Variants in PACSIN2 observed in about 807,000 individuals in gnomAD.
PACSIN2 encodes the protein protein kinase C and casein kinase substrate in neurons 2.
Under a neutral mutation model 63.8 loss-of-function variants are expected in PACSIN2, and 25 were observed. That is an observed-to-expected ratio of 0.39 (90% CI 0.29 to 0.55). The LOEUF (loss-of-function observed/expected upper bound fraction) is 0.55, where lower values mean the gene tolerates loss of function less well. Ranked by LOEUF, PACSIN2 falls within the 20% of genes least tolerant of loss-of-function variation. The pLI is 0.62. For synonymous variants in PACSIN2, 255 were observed against 256.2 expected (o/e 1.00, Z 0.05); for missense variants, 518 against 646.9 (o/e 0.80, Z 2.16).
chr22:42,983,489 C>CAAAAA (rs775403003), intron 1 of PACSIN2, among the ~76,000 whole-genome samples: 9,281 of 81,554 alleles, frequency 0.11, 1,505 homozygotes, highest in East Asian at 0.37. Context: ...GACTCCATCT[C>CAAAAA]AAAAAAAAAA....
chr22:42,905,167 T>A (rs909701007), intron 2 of PACSIN2, among the ~76,000 whole-genome samples: 16 of 152,222 alleles, frequency 1.1e-4, no homozygotes, highest in African/African-American at 3.6e-4. Flanking sequence ...AACCCCGAAG[T>A]GCTAAATTCC....
chr22:42,877,068 T>C, intron 8 of PACSIN2, 58 bp from the exon 9 acceptor site: 2 of 1,587,938 alleles, frequency 1.3e-6, no homozygotes, highest in South Asian at 1.1e-5. Flanking sequence ...GTGAGGGTCC[T>C]GGCAACTCCT....
chr22:42,927,428 T>C (rs1425887205), intron 1 of PACSIN2, among the ~76,000 whole-genome samples: 2 of 152,060 alleles, frequency 1.3e-5, no homozygotes, highest in Non-Finnish European at 2.9e-5. Context: ...AAAATATTTT[T>C]AGTAGAGACA....
Position 42,888,666 on chromosome 22 carries a change from T to C in PACSIN2, c.586A>G (p.Lys196Glu). ...QLKKLQDKIEKCKQDVLKTKE... is the reference protein window; with the variant it reads ...QLKKLQDKIEECKQDVLKTKE... ...ACCTTAAGAACATCTTGCTTGCACT[T>C]TTCTATTTTGTCTTGCAATTTCTTG... The change falls in exon 5 of 11, where the codon AAG (lysine) becomes GAG (glutamate). Residue 196 changes from lysine (K) to glutamate (E), a missense_variant. By Grantham distance (56) the Lys-to-Glu change is moderately conservative (BLOSUM62 1). This residue lies in a region of PACSIN2 where 507 missense variants were observed against 612.3 expected (regional missense o/e 0.83). Coordinates refer to ENST00000263246, the MANE Select transcript of PACSIN2 (RefSeq NM_001184970.3). The C allele has an allele frequency of 6.2e-7, 1 of 1,614,212 alleles. No homozygotes were observed.
chr22:42,935,124 A>C (rs2146786450), intron 1 of PACSIN2, among the ~76,000 whole-genome samples: 3 of 143,172 alleles, frequency 2.1e-5, no homozygotes, highest in South Asian at 2.2e-4. Context: ...TCGGGGTTTC[A>C]CTGTTTTAGC....
At chr22:43,005,645 A>G (rs538289645) in intron 1 of PACSIN2, among the ~76,000 whole-genome samples, 1 of 152,358 alleles carries the variant, frequency 6.6e-6, no homozygotes, top group Admixed American at 6.5e-5. Context: ...AGAACTGGAT[A>G]AAATCACTTT....
At chr22:42,962,947 C>G (rs181054370) in intron 1 of PACSIN2, among the ~76,000 whole-genome samples, 1 of 152,294 alleles carries the variant, frequency 6.6e-6, no homozygotes, top group African/African-American at 2.4e-5. Context: ...TGGCAGAAGA[C>G]AAGACTGACT....
At chr22:42,950,419 A>AGGAGAGAGGGAGAGAGGGGACCTGGAG (rs374845464) in intron 1 of PACSIN2, among the ~76,000 whole-genome samples, 4 of 146,480 alleles carry the variant, frequency 2.7e-5, no homozygotes, top group South Asian at 2.3e-4. Flanking sequence ...GAGGGAGGGA[A>AGGAGAGAGGGAGAGAGGGGACCTGGAG]GGGAGTGGGC....
intron 4 of PACSIN2, 24 bp downstream of exon 4, chr22:42,890,923 G>A (rs1929858600): frequency 1.3e-6 from 2 of 1,599,200 alleles, no homozygotes; most frequent in Non-Finnish European, 1.7e-6. Flanking sequence ...AGGCCGGGCA[G>A]GGAAGCCTGC....
At chr22:42,956,994 A>G (rs1476580807) in intron 1 of PACSIN2, among the ~76,000 whole-genome samples, 2 of 152,228 alleles carry the variant, frequency 1.3e-5, no homozygotes, top group Non-Finnish European at 1.5e-5. Flanking sequence ...TATATAGTGA[A>G]AATATAATAG....
At chr22:43,011,445 A>G (rs1417894253) in intron 1 of PACSIN2, among the ~76,000 whole-genome samples, 1 of 152,208 alleles carries the variant, frequency 6.6e-6, no homozygotes, top group Non-Finnish European at 1.5e-5. Context: ...CATCTGGTAA[A>G]TGCCACTGCG....
At chr22:42,883,345 A>G (rs1257554391) in intron 6 of PACSIN2, among the ~76,000 whole-genome samples, 1 of 152,230 alleles carries the variant, frequency 6.6e-6, no homozygotes. Context: ...GCAGCGGTGC[A>G]GTAACTGTTG....
chr22:42,890,869 T>C, intron 4 of PACSIN2, 78 bp downstream of exon 4: 1 of 1,158,576 alleles, frequency 8.6e-7, no homozygotes. Context: ...CAGGAAGTCC[T>C]AGGTGCAGGA....
chr22:43,000,834 T>G (rs1190583921), intron 1 of PACSIN2, among the ~76,000 whole-genome samples: 1 of 152,236 alleles, frequency 6.6e-6, no homozygotes, highest in Non-Finnish European at 1.5e-5. Context: ...AGACATACTG[T>G]GTGGCACTGC....
intron 1 of PACSIN2, among the ~76,000 whole-genome samples, chr22:42,917,368 A>G (rs1259033375): frequency 7.2e-5 from 11 of 152,192 alleles, no homozygotes; most frequent in Admixed American, 7.2e-4. Context: ...GCACTTTGAG[A>G]GGACAAGGCA....
chr22:42,871,580 G>A lies in PACSIN2; in HGVS notation c.1349-111C>T. Reference sequence around the variant, plus strand: ...CAGAGGGTGGAGGGCCAGGCATTCTGTGGCGGGCAGGCCGAGGGCCTGGTC... The same window carrying A: ...CAGAGGGTGGAGGGCCAGGCATTCTATGGCGGGCAGGCCGAGGGCCTGGTC... On this transcript the variant is annotated intron_variant, in intron 10 of 10. Transcript: ENST00000263246. The surrounding 1 kb of genome is among the most constrained non-coding windows in gnomAD (Gnocchi z 5.4). 1.2e-6 allele frequency: 1 copy of A among 841,812 alleles called. No homozygotes were observed. Among genetic ancestry groups the A allele is most frequent in the Non-Finnish European group, 2.0e-6 (1 of 494,150 alleles). The allele number at this position is 841,812 out of a possible 1,614,324, so 52.1% of individuals were successfully genotyped here.
chr22:42,925,695 A>C (rs1341502260), intron 1 of PACSIN2, among the ~76,000 whole-genome samples: 1 of 152,220 alleles, frequency 6.6e-6, no homozygotes, highest in Non-Finnish European at 1.5e-5. Context: ...ATTTATGTGA[A>C]GGTGCTATAA....
intron 1 of PACSIN2, among the ~76,000 whole-genome samples, chr22:42,921,910 T>C (rs532861338): frequency 6.6e-6 from 1 of 152,176 alleles, no homozygotes; most frequent in African/African-American, 2.4e-5. Flanking sequence ...GGCTAATTTT[T>C]GTATTTTTAG....
At chr22:42,918,851 CAT>C (rs929955796) in intron 1 of PACSIN2, among the ~76,000 whole-genome samples, 9 of 152,310 alleles carry the variant, frequency 5.9e-5, no homozygotes, top group African/African-American at 7.2e-5. Context: ...TTGACACACA[CAT>C]GTCCTTAACC....
Sources: allele counts gnomAD v4.1 joint callset (sites outside exome capture counted in the v4.1 genomes callset), GRCh38; gene constraint gnomAD v4.1.1; regional missense constraint gnomAD v4.1.1; non-coding constraint Gnocchi (gnomAD v3.1); transcripts MANE v1.5; gene names NCBI Gene and HGNC (gene_info 2026-07-23, HGNC 2026-07-21).